NIM1K: variants seen among roughly 807,000 people sequenced by gnomAD.
NIM1K encodes the protein NIM1 serine/threonine protein kinase, also known as serine/threonine-protein kinase NIM1.
NIM1K carries 35 observed loss-of-function variants against 37.1 expected under a neutral mutation model. The observed-to-expected ratio is 0.94, with a 90% confidence interval of 0.72 to 1.25. The LOEUF is 1.25. Among genes scored for constraint, NIM1K ranks in the 50% most tolerant of loss-of-function variants. The pLI is 0.00. For missense variants in NIM1K, 564 were observed against 548.0 expected, an observed-to-expected ratio of 1.03 and a Z score of -0.29; for synonymous variants, 234 against 206.6, an observed-to-expected ratio of 1.13 and a Z score of -1.14.
rs1359809549 is a variant in NIM1K, at chr5:43,269,308, C to CAAAAA, written c.293-7742_293-7738dup. Among the ~76,000 whole-genome samples the CAAAAA allele has an allele frequency of 2.7e-3, 148 of 55,492 alleles. 5 individuals carry two copies. Among genetic ancestry groups the CAAAAA allele is most frequent in the East Asian group, 0.011 (18 of 1,632 alleles). The allele number at this position is 55,492 out of a possible 152,430, so 36.4% of individuals were successfully genotyped here. A position where few individuals can be genotyped will look rare whatever the true frequency, so the allele number is the denominator to read the frequency against. On this transcript the variant is annotated intron_variant, in intron 2 of 3. Transcript: ENST00000326035. ...TGGGCAACAAAGTGAGACTTCATCT[C>CAAAAA]AAAAAAAAAAAGAAAAAAAAAAAAG...
chr5:43,194,095 G>A (rs1751875818), intron 1 of NIM1K, among the ~76,000 whole-genome samples: 1 of 152,154 alleles, frequency 6.6e-6, no homozygotes, highest in African/African-American at 2.4e-5. Context: ...AAATAGTCAT[G>A]CTGCCCAGCT....
intron 1 of NIM1K, among the ~76,000 whole-genome samples, chr5:43,227,166 G>A (rs970349752): frequency 6.6e-6 from 1 of 152,142 alleles, no homozygotes; most frequent in Admixed American, 6.5e-5. Context: ...TTCAAGACCA[G>A]CCTGACCAAC....
At position 43,279,998 on chromosome 5, in the gene NIM1K, CAT is replaced by C. The variant is rs1263167286; in HGVS notation, c.582_583del (p.His194GlnfsTer13). 6.2e-7 allele frequency: 1 copy of C among 1,609,714 alleles called. No individual in the cohort carries two copies. Among genetic ancestry groups the C allele is most frequent in the East Asian group, 2.2e-5 (1 of 44,744 alleles). On this transcript the variant is annotated frameshift_variant, in exon 4 of 4. Transcript: ENST00000326035. LOFTEE classifies it high-confidence loss of function. ...TCCACAGCATGAAAACCAAATTATT[CAT>C]AGAGATCTGAAAGCAGAAAATGTAT... ...VKHMHENQII[H>X]RDLKAENVFY...
chr5:43,276,579 G>A (rs962005275), intron 2 of NIM1K, among the ~76,000 whole-genome samples: 5 of 152,248 alleles, frequency 3.3e-5, no homozygotes, highest in African/African-American at 1.2e-4. Flanking sequence ...GTGAAAGCAA[G>A]AGTAAAGAAC....
intron 2 of NIM1K, among the ~76,000 whole-genome samples, chr5:43,271,750 C>T (rs1040468254): frequency 1.3e-5 from 2 of 152,144 alleles, no homozygotes; most frequent in African/African-American, 2.4e-5. Context: ...TTATATTCCC[C>T]ACCACAGTAA....
At chr5:43,255,754 A>AAAAGAAAG (rs1554016081) in intron 2 of NIM1K, among the ~76,000 whole-genome samples, 8,514 of 131,744 alleles carry the variant, frequency 0.065, 342 homozygotes, top group Middle Eastern at 0.15. Flanking sequence ...TCTCAAAAAA[A>AAAAGAAAG]AAAGAAAGAA....
At chr5:43,254,985 TA>T (rs1407542701) in intron 2 of NIM1K, among the ~76,000 whole-genome samples, 1 of 152,306 alleles carries the variant, frequency 6.6e-6, no homozygotes, top group East Asian at 1.9e-4. Context: ...GAATTCACCC[TA>T]AAAATAAATC....
At chr5:43,272,482 C>T (rs1350554301) in intron 2 of NIM1K, among the ~76,000 whole-genome samples, 1 of 152,140 alleles carries the variant, frequency 6.6e-6, no homozygotes, top group Non-Finnish European at 1.5e-5. Flanking sequence ...CTCCTTAGTC[C>T]TCTGGGTTCC....
chr5:43,246,304 A>AT (rs1752778522), intron 2 of NIM1K, among the ~76,000 whole-genome samples: 1 of 152,168 alleles, frequency 6.6e-6, no homozygotes, highest in African/African-American at 2.4e-5. Context: ...AAGAAGGCAA[A>AT]TGTGTCTTCA....
intron 1 of NIM1K, among the ~76,000 whole-genome samples, chr5:43,239,787 C>T (rs992625124): frequency 3.9e-5 from 6 of 152,082 alleles, no homozygotes; most frequent in Non-Finnish European, 5.9e-5. Context: ...CTGGCCTCCA[C>T]TCTTATTCTT....
chr5:43,234,787 A>G (rs1367482110), intron 1 of NIM1K, among the ~76,000 whole-genome samples: 1 of 152,152 alleles, frequency 6.6e-6, no homozygotes, highest in Non-Finnish European at 1.5e-5. Flanking sequence ...GGTGTCTGCC[A>G]TCACACCCAG....
chr5:43,246,665 G>A (rs1334344265), intron 2 of NIM1K, among the ~76,000 whole-genome samples: 1 of 152,166 alleles, frequency 6.6e-6, no homozygotes. Flanking sequence ...TTTCTGTTCA[G>A]TCCACCCTGC....
chr5:43,229,384 C>CAAAAAA (rs58730944), intron 1 of NIM1K, among the ~76,000 whole-genome samples: 2 of 89,974 alleles, frequency 2.2e-5, no homozygotes, highest in African/African-American at 4.4e-5. Context: ...AACTCCATCT[C>CAAAAAA]AAAAAAAAAA....
intron 2 of NIM1K, among the ~76,000 whole-genome samples, chr5:43,267,903 A>G (rs1475449930): frequency 6.6e-6 from 1 of 152,148 alleles, no homozygotes; most frequent in East Asian, 1.9e-4. Context: ...CCATGTGCTG[A>G]TGAGAAGAAA....
intron 1 of NIM1K, among the ~76,000 whole-genome samples, chr5:43,209,731 A>G (rs1188110313): frequency 1.3e-5 from 2 of 151,898 alleles, no homozygotes; most frequent in African/African-American, 4.8e-5. Context: ...TGATCCTCCC[A>G]CCAAAGCCTC....
At position 43,264,827 on chromosome 5, in the gene NIM1K, T is replaced by C. The variant is rs1392703738; in HGVS notation, c.293-12230T>C. Among the ~76,000 whole-genome samples, 17 of 152,172 alleles carry C rather than the reference T, an allele frequency of 1.1e-4. No homozygotes were observed. In the East Asian group the frequency reaches 3.1e-3, roughly 28 times the overall value. ...GAAGGCAGGCCTGGTGGTGACAAAA[T>C]CTCTCAGCATTTTTTGTCTGTAAAG... On this transcript the variant is annotated intron_variant, in intron 2 of 3. Transcript: ENST00000326035.
intron 1 of NIM1K, among the ~76,000 whole-genome samples, chr5:43,219,875 T>C (rs1385038997): frequency 6.6e-6 from 1 of 151,682 alleles, no homozygotes; most frequent in African/African-American, 2.4e-5. Context: ...TACAGGCGTG[T>C]GCTACCAAAC....
intron 1 of NIM1K, chr5:43,233,170 G>A (rs1579970176): frequency 1.6e-5 from 20 of 1,247,616 alleles, no homozygotes; most frequent in East Asian, 7.0e-5. Flanking sequence ...ATGCGGTCAC[G>A]CATGATTACT....
At chr5:43,237,784 T>C (rs923227016) in intron 1 of NIM1K, among the ~76,000 whole-genome samples, 1 of 152,172 alleles carries the variant, frequency 6.6e-6, no homozygotes, top group African/African-American at 2.4e-5. Flanking sequence ...TTAGATTTTT[T>C]CCTTCTACTT....
Sources: allele counts gnomAD v4.1 joint callset (sites outside exome capture counted in the v4.1 genomes callset), GRCh38; gene constraint gnomAD v4.1.1; transcripts MANE v1.5; gene names NCBI Gene and HGNC (gene_info 2026-07-23, HGNC 2026-07-21).